PRKCE: variants seen among roughly 807,000 people sequenced by gnomAD.
PRKCE encodes the protein protein kinase C epsilon type.
Under a neutral mutation model 85.4 loss-of-function variants are expected in PRKCE, and 16 were observed. The observed-to-expected ratio is 0.19, with a 90% CI of 0.13 to 0.28. The LOEUF (loss-of-function observed/expected upper bound fraction) is 0.28. Ranked by LOEUF, PRKCE falls within the 10% of genes least tolerant of loss-of-function variation. The pLI is 1.00. For missense variants in PRKCE, 573 were observed against 975.2 expected (o/e 0.59, Z 5.49); for synonymous variants, 388 against 371.5 (o/e 1.04, Z -0.51).
chr2:45,717,239 C>T (rs1308053932), intron 1 of PRKCE, among the ~76,000 whole-genome samples: 1 of 152,206 alleles, frequency 6.6e-6, no homozygotes, highest in Non-Finnish European at 1.5e-5. Flanking sequence ...TTGCCACCCA[C>T]AGTACAGCTT....
At chr2:46,062,692 T>TTTTC (rs1667259691) in intron 10 of PRKCE, among the ~76,000 whole-genome samples, 1 of 147,776 alleles carries the variant, frequency 6.8e-6, no homozygotes, top group South Asian at 2.2e-4. Flanking sequence ...TTTTTTTTTT[T>TTTTC]TGAGATGGTC....
intron 1 of PRKCE, among the ~76,000 whole-genome samples, chr2:45,835,391 C>G (rs1243560468): frequency 6.6e-6 from 1 of 152,170 alleles, no homozygotes; most frequent in South Asian, 2.1e-4. Flanking sequence ...GAGAAAACTC[C>G]CGTCACCCAG....
chr2:46,053,071 A>G (rs1708957337), intron 10 of PRKCE, among the ~76,000 whole-genome samples: 1 of 152,248 alleles, frequency 6.6e-6, no homozygotes, highest in Admixed American at 6.5e-5. Context: ...AGCAGCAGAA[A>G]GATGGGCAGG....
intron 2 of PRKCE, among the ~76,000 whole-genome samples, chr2:45,881,080 G>A (rs1438478707): frequency 6.7e-6 from 1 of 150,278 alleles, no homozygotes; most frequent in Non-Finnish European, 1.5e-5. Flanking sequence ...GTGAACCCGG[G>A]AGGCGGAGCT....
chr2:45,988,516 A>G (rs1255350751), intron 6 of PRKCE, among the ~76,000 whole-genome samples: 2 of 151,862 alleles, frequency 1.3e-5, no homozygotes, highest in Non-Finnish European at 1.5e-5. Context: ...CTGTGGGGCA[A>G]CCAGCCCTTG....
In PRKCE at chr2:45,742,929, T is replaced by C. The variant is rs533933027; in HGVS notation, c.348+90481T>C. On this transcript the variant is annotated intron_variant, in intron 1 of 14. Coordinates refer to ENST00000306156, the MANE Select transcript of PRKCE (RefSeq NM_005400.3). ...ATGGAAGGATTTTAAAAATGGAATA[T>C]TATTCAGCCTTAAAGCAGAAGCAAA... 9.2e-5 allele frequency among the ~76,000 whole-genome samples: 14 copies of C among 152,354 alleles called. No individual in the cohort carries two copies. In the South Asian group the frequency reaches 2.7e-3, roughly 29 times the overall value.
rs558301002 is a variant in PRKCE, at chr2:46,086,212, G to A, written c.1442G>A (p.Arg481His). The A allele has an allele frequency of 1.6e-5, 26 of 1,599,484 alleles. No homozygotes were observed. The highest frequency in any genetic ancestry group is 8.9e-5 in the East Asian group (4 of 44,872). Residue 481 changes from arginine to histidine, a missense_variant, in exon 11 of 15, where the codon CGC becomes CAC. By Grantham distance (29) the Arg-to-His change is conservative. Around this residue, in one of 11 missense-constraint regions of PRKCE, gnomAD observed 89 missense variants for 154.1 expected, o/e 0.58. Transcript: ENST00000306156. ...QLYCCFQTKD[R>H]LFFVMEYVNG... ...CATTTTCTTCTCTCCTTTCAGGACCGCCTCTTTTTCGTCATGGAATATGTA... is the reference window on the plus strand; with the variant it reads ...CATTTTCTTCTCTCCTTTCAGGACCACCTCTTTTTCGTCATGGAATATGTA...
chr2:45,669,806 T>C (rs1198640935), intron 1 of PRKCE, among the ~76,000 whole-genome samples: 1 of 151,212 alleles, frequency 6.6e-6, no homozygotes, highest in Non-Finnish European at 1.5e-5. Context: ...ATGTCAGGAG[T>C]TCAAGACCAG....
intron 2 of PRKCE, among the ~76,000 whole-genome samples, chr2:45,854,678 G>A (rs1043467422): frequency 6.6e-6 from 1 of 152,176 alleles, no homozygotes; most frequent in Non-Finnish European, 1.5e-5. Flanking sequence ...TCCGAATACG[G>A]GCGTGAGTCC....
chr2:46,065,860 C>G (rs947378427), intron 10 of PRKCE, among the ~76,000 whole-genome samples: 18 of 152,138 alleles, frequency 1.2e-4, no homozygotes, highest in South Asian at 4.1e-4. Context: ...TCAGTTGATT[C>G]ATGCTTTAGC....
chr2:45,788,393 A>G (rs1429651235), intron 1 of PRKCE, among the ~76,000 whole-genome samples: 2 of 152,218 alleles, frequency 1.3e-5, no homozygotes, highest in Non-Finnish European at 2.9e-5. Context: ...TCACAGAGCC[A>G]TTCTGGATAC....
chr2:46,129,464 A>G (rs1212435231), intron 11 of PRKCE, among the ~76,000 whole-genome samples: 1 of 152,208 alleles, frequency 6.6e-6, no homozygotes, highest in Non-Finnish European at 1.5e-5. Context: ...TTTCCACACT[A>G]GGATATAAAT....
At chr2:45,721,670 T>C (rs1160906926) in intron 1 of PRKCE, among the ~76,000 whole-genome samples, 1 of 151,998 alleles carries the variant, frequency 6.6e-6, no homozygotes, top group East Asian at 1.9e-4. Context: ...TTGAGACCAG[T>C]AGTTAGAGAC....
intron 2 of PRKCE, among the ~76,000 whole-genome samples, chr2:45,865,515 C>G (rs902244425): frequency 1.3e-5 from 2 of 152,120 alleles, no homozygotes; most frequent in Non-Finnish European, 2.9e-5. Flanking sequence ...TTGAATATGT[C>G]CCCTCCAAAA....
At chr2:45,668,502 A>C (rs1209526909) in intron 1 of PRKCE, among the ~76,000 whole-genome samples, 1 of 152,194 alleles carries the variant, frequency 6.6e-6, no homozygotes, top group African/African-American at 2.4e-5. Flanking sequence ...TTGTCATCTC[A>C]GTGGTGTGTC....
intron 1 of PRKCE, among the ~76,000 whole-genome samples, chr2:45,835,968 G>A (rs1054811277): frequency 6.6e-5 from 10 of 152,148 alleles, no homozygotes; most frequent in Admixed American, 5.9e-4. Context: ...TTTACCTGTT[G>A]TTGGACATTT....
chr2:46,074,392 A>C (rs1373772206), intron 10 of PRKCE, among the ~76,000 whole-genome samples: 1 of 151,024 alleles, frequency 6.6e-6, no homozygotes, highest in Non-Finnish European at 1.5e-5. Context: ...TTCTAAGTAG[A>C]ATTAAGCAAG....
At chr2:46,070,268 G>C (rs565195580) in intron 10 of PRKCE, among the ~76,000 whole-genome samples, 6 of 151,968 alleles carry the variant, frequency 3.9e-5, no homozygotes, top group African/African-American at 1.2e-4. Flanking sequence ...AATATAACCA[G>C]AGCACAGGCT....
intron 1 of PRKCE, among the ~76,000 whole-genome samples, chr2:45,765,525 G>C (rs974577465): frequency 6.6e-6 from 1 of 152,238 alleles, no homozygotes; most frequent in African/African-American, 2.4e-5. Context: ...AATACCTTTT[G>C]TGGTTTGCTT....
Sources: allele counts gnomAD v4.1 joint callset (sites outside exome capture counted in the v4.1 genomes callset), GRCh38; gene constraint gnomAD v4.1.1; regional missense constraint gnomAD v4.1.1; transcripts MANE v1.5; gene names NCBI Gene and HGNC (gene_info 2026-07-23, HGNC 2026-07-21).